The following SLC25A26 variants were observed in gnomAD, a reference collection of about 807,000 sequenced individuals.
SLC25A26 encodes the protein solute carrier family 25 member 26, also known as mitochondrial S-adenosylmethionine carrier protein.
Under a neutral mutation model 37.8 loss-of-function variants are expected in SLC25A26, and 36 were observed. That is an observed-to-expected ratio of 0.95 (90% CI 0.73 to 1.26). The LOEUF (loss-of-function observed/expected upper bound fraction) is 1.26, where lower values mean the gene tolerates loss of function less well. Among genes scored for constraint, SLC25A26 ranks in the 50% most tolerant of loss-of-function variants. SLC25A26 has a pLI of 0.00. For synonymous variants in SLC25A26, 129 were observed against 122.5 expected (o/e 1.05, Z -0.35); for missense variants, 390 against 331.1 (o/e 1.18, Z -1.38).
intron 3 of SLC25A26, among the ~76,000 whole-genome samples, chr3:66,254,064 G>A (rs747926091): frequency 2.0e-5 from 3 of 152,196 alleles, no homozygotes; most frequent in Non-Finnish European, 2.9e-5. Flanking sequence ...TACAACGATT[G>A]AACTTATTTG....
chr3:66,243,634 A>G lies in SLC25A26; in HGVS notation c.300+322A>G, dbSNP rs538633770. Among the ~76,000 whole-genome samples, 13 of 152,362 alleles carry G rather than the reference A, an allele frequency of 8.5e-5. 1 individual carries two copies. The South Asian group carries it at 2.1e-3, about 24-fold the overall frequency. ...GACAGCTTTGTATTGTGTCGGTACA[A>G]CTGAGCTGGAACTACTTTTCCGAGA... On this transcript the variant is annotated intron_variant, in intron 3 of 9. Transcript: ENST00000354883.
chr3:66,161,809 T>C (rs2070363728), intron 1 of SLC25A26, among the ~76,000 whole-genome samples: 1 of 152,178 alleles, frequency 6.6e-6, no homozygotes, highest in Non-Finnish European at 1.5e-5. Flanking sequence ...CTTCAGGACC[T>C]TCCATTGTTC....
intron 9 of SLC25A26, among the ~76,000 whole-genome samples, chr3:66,375,619 T>A (rs1158767588): frequency 6.6e-6 from 1 of 152,212 alleles, no homozygotes; most frequent in Non-Finnish European, 1.5e-5. Context: ...CAACAAAGCC[T>A]GAGCGACAGC....
chr3:66,377,968 G>C lies in SLC25A26; in HGVS notation c.*161G>C, dbSNP rs1700773746. 1.7e-6 allele frequency: 1 copy of C among 599,868 alleles called. No individual in the cohort carries two copies. Among genetic ancestry groups the C allele is most frequent in the Non-Finnish European group, 2.9e-6 (1 of 340,026 alleles). 37.2% of individuals were successfully genotyped at this position (599,868 alleles called of 1,614,324 possible). On this transcript the variant is annotated 3_prime_UTR_variant, in exon 10 of 10. Coordinates refer to ENST00000354883, the MANE Select transcript of SLC25A26 (RefSeq NM_001379210.1). ...TGCCATCCGTGGTATAGGCTGGCTGGTATGAAGTCATTGGCCTGTATGCCA... is the reference window on the plus strand; with the variant it reads ...TGCCATCCGTGGTATAGGCTGGCTGCTATGAAGTCATTGGCCTGTATGCCA...
intron 5 of SLC25A26, among the ~76,000 whole-genome samples, chr3:66,310,907 C>G (rs2075358180): frequency 6.6e-6 from 1 of 152,176 alleles, no homozygotes; most frequent in Non-Finnish European, 1.5e-5. Flanking sequence ...TGACCTTTCT[C>G]TCCGGCTGCC....
At chr3:66,318,982 A>G (rs1321824149) in intron 5 of SLC25A26, among the ~76,000 whole-genome samples, 1 of 152,184 alleles carries the variant, frequency 6.6e-6, no homozygotes, top group Non-Finnish European at 1.5e-5. Flanking sequence ...AATTTGAGTT[A>G]CATTGCCCGT....
chr3:66,164,823 T>C (rs2070404203), intron 1 of SLC25A26, among the ~76,000 whole-genome samples: 1 of 152,206 alleles, frequency 6.6e-6, no homozygotes. Context: ...ATCAGGGTTC[T>C]CTTCACAACC....
chr3:66,167,960 C>T (rs1182353307), intron 1 of SLC25A26, among the ~76,000 whole-genome samples: 1 of 151,632 alleles, frequency 6.6e-6, no homozygotes, highest in Non-Finnish European at 1.5e-5. Flanking sequence ...TCGAGGCCAG[C>T]CTGACCAACA....
intron 1 of SLC25A26, among the ~76,000 whole-genome samples, chr3:66,178,699 T>C (rs2106749776): frequency 6.6e-6 from 1 of 152,318 alleles, no homozygotes; most frequent in East Asian, 1.9e-4. Context: ...TTACTTTGAT[T>C]TGTTAACGTT....
At chr3:66,255,810 C>T (rs1021302565) in intron 3 of SLC25A26, among the ~76,000 whole-genome samples, 20 of 152,108 alleles carry the variant, frequency 1.3e-4, no homozygotes, top group African/African-American at 4.1e-4. Context: ...TGGAAGGCTC[C>T]GGAGGTACTG....
At chr3:66,198,340 C>T (rs2071071373) in intron 1 of SLC25A26, among the ~76,000 whole-genome samples, 1 of 152,002 alleles carries the variant, frequency 6.6e-6, no homozygotes, top group Admixed American at 6.6e-5. Flanking sequence ...TGGTAGCTCT[C>T]ATCCTCACCA....
At chr3:66,269,524 T>C (rs1196626452) in intron 5 of SLC25A26, among the ~76,000 whole-genome samples, 1 of 152,230 alleles carries the variant, frequency 6.6e-6, no homozygotes, top group African/African-American at 2.4e-5. Context: ...ATGATTGAGC[T>C]GATCAAGATT....
intron 5 of SLC25A26, among the ~76,000 whole-genome samples, chr3:66,311,457 GT>G (rs370737849): frequency 2.8e-4 from 42 of 152,092 alleles, no homozygotes; most frequent in African/African-American, 9.2e-4. Flanking sequence ...GCTCCGAGGA[GT>G]TTGTTATTAC....
At chr3:66,231,428 C>T (rs1386110490) in intron 1 of SLC25A26, among the ~76,000 whole-genome samples, 1 of 151,630 alleles carries the variant, frequency 6.6e-6, no homozygotes, top group East Asian at 1.9e-4. Context: ...TTGTAATATT[C>T]ATTACAAAAC....
chr3:66,148,634 A>G (rs2070154447), intron 1 of SLC25A26, among the ~76,000 whole-genome samples: 1 of 152,276 alleles, frequency 6.6e-6, no homozygotes, highest in Non-Finnish European at 1.5e-5. Context: ...TTGTGAAGAT[A>G]CATTCTCAGC....
chr3:66,154,540 C>CTTTTT (rs60639995), intron 1 of SLC25A26, among the ~76,000 whole-genome samples: 1 of 130,404 alleles, frequency 7.7e-6, no homozygotes, highest in East Asian at 2.3e-4. Context: ...TTCTTTTTTT[C>CTTTTT]TTTTTTTTTT....
At chr3:66,235,965 G>A (rs1343635138) in intron 1 of SLC25A26, among the ~76,000 whole-genome samples, 1 of 152,176 alleles carries the variant, frequency 6.6e-6, no homozygotes, top group Non-Finnish European at 1.5e-5. Context: ...GTGCTGGAGT[G>A]CAGTGGTGGG....
At chr3:66,153,380 G>A (rs2070233795) in intron 1 of SLC25A26, among the ~76,000 whole-genome samples, 1 of 152,172 alleles carries the variant, frequency 6.6e-6, no homozygotes, top group Non-Finnish European at 1.5e-5. Flanking sequence ...ACACAGTATA[G>A]AACCATGGTT....
At chr3:66,208,649 C>T (rs1316663501) in intron 1 of SLC25A26, among the ~76,000 whole-genome samples, 3 of 37,498 alleles carry the variant, frequency 8.0e-5, no homozygotes, top group Non-Finnish European at 2.2e-4. Flanking sequence ...TATACACACA[C>T]ACCTTTATAT....
Sources: allele counts gnomAD v4.1 joint callset (sites outside exome capture counted in the v4.1 genomes callset), GRCh38; gene constraint gnomAD v4.1.1; transcripts MANE v1.5; gene names NCBI Gene and HGNC (gene_info 2026-07-23, HGNC 2026-07-21).